Variants in IQUB observed in about 807,000 individuals in gnomAD.
IQUB encodes the protein IQ motif and ubiquitin domain containing.
IQUB carries 86 observed loss-of-function variants against 86.4 expected under a neutral mutation model. That is an observed-to-expected ratio of 1.00 (90% CI 0.84 to 1.19). IQUB has a LOEUF of 1.19. Ranked by LOEUF, IQUB falls within the 50% of genes most tolerant of loss-of-function variation. The pLI is 0.00. For synonymous variants in IQUB, 289 were observed against 304.5 expected (o/e 0.95, Z 0.53); for missense variants, 946 against 916.9 (o/e 1.03, Z -0.41).
At chr7:123,507,653 T>A (rs936387830) in intron 3 of IQUB, among the ~76,000 whole-genome samples, 10 of 151,976 alleles carry the variant, frequency 6.6e-5, no homozygotes, top group African/African-American at 2.2e-4. Flanking sequence ...GGCGGGTGGA[T>A]CATGAGGTCA....
chr7:123,462,363 TCTTA>T (rs1157650977), intron 10 of IQUB, among the ~76,000 whole-genome samples: 2 of 151,890 alleles, frequency 1.3e-5, no homozygotes, highest in African/African-American at 4.8e-5. Flanking sequence ...AAATTTTTTC[TCTTA>T]CTCAATGTGG....
chr7:123,461,645 G>C, intron 10 of IQUB, 40 bp from the exon 11 acceptor site: 1 of 1,478,744 alleles, frequency 6.8e-7, no homozygotes, highest in South Asian at 1.4e-5. Flanking sequence ...GGTCTAAAAA[G>C]CCAGGCCAGG....
chr7:123,526,869 A>T (rs1797242751), intron 1 of IQUB, among the ~76,000 whole-genome samples: 1 of 152,006 alleles, frequency 6.6e-6, no homozygotes, highest in Non-Finnish European at 1.5e-5. Flanking sequence ...GCGCTTCTTC[A>T]GGCGCTCTTT....
chr7:123,482,651 T>C (rs1379405662), intron 7 of IQUB, among the ~76,000 whole-genome samples: 1 of 152,102 alleles, frequency 6.6e-6, no homozygotes, highest in Non-Finnish European at 1.5e-5. Context: ...CAAGGGAAAC[T>C]TGGGGAAATT....
At position 123,510,261 on chromosome 7, in the gene IQUB, C is replaced by CA. The variant is rs1234109290; in HGVS notation, c.398-227dup. ...TGCTTTGAAAATCAACCCATAATCTCAAAAATTAGCTCTAATGTTCAATAC... is the reference window on the plus strand; with the variant it reads ...TGCTTTGAAAATCAACCCATAATCTCAAAAAATTAGCTCTAATGTTCAATAC... On this transcript the variant is annotated intron_variant, in intron 2 of 12. Transcript: ENST00000324698. 3.3e-5 allele frequency among the ~76,000 whole-genome samples: 5 copies of CA among 152,036 alleles called. No homozygotes were observed. The South Asian group carries it at 1.0e-3, about 32-fold the overall frequency.
chr7:123,492,231 C>T (rs1317050084), intron 7 of IQUB, among the ~76,000 whole-genome samples: 2 of 152,056 alleles, frequency 1.3e-5, no homozygotes, highest in African/African-American at 2.4e-5. Context: ...GAATGGACTA[C>T]GAACTTAACA....
intron 6 of IQUB, among the ~76,000 whole-genome samples, chr7:123,497,893 G>A (rs2117176810): frequency 6.6e-6 from 1 of 151,710 alleles, no homozygotes. Flanking sequence ...AAAAAACAAG[G>A]GGCTCTAGGA....
In IQUB at chr7:123,464,864, A is replaced by G. The variant is rs779522138; in HGVS notation, c.1727T>C (p.Leu576Pro). 4 of 1,597,510 alleles carry G rather than the reference A, an allele frequency of 2.5e-6. No individual in the cohort carries two copies. The highest frequency in any genetic ancestry group is 2.6e-6 in the Non-Finnish European group (3 of 1,174,448). ...GTATTTTGCAACTTCAGGATTAAAC[A>G]GAGGTGTTTTGATATAATGAAAAAA... The part of the protein sequence containing the change: ...TLFFHYIKTP[L>P]FNPEVAKYLK... The change falls in exon 10 of 13, where the codon CTG becomes CCG. Residue 576 changes from leucine to proline, a missense_variant. Transcript: ENST00000324698.
intron 11 of IQUB, among the ~76,000 whole-genome samples, chr7:123,458,393 C>G (rs1793818127): frequency 6.6e-6 from 1 of 151,702 alleles, no homozygotes; most frequent in Admixed American, 6.6e-5. Context: ...GTACACAAAA[C>G]CTAAACAATC....
At chr7:123,490,975 A>C (rs548429642) in intron 7 of IQUB, among the ~76,000 whole-genome samples, 1 of 151,960 alleles carries the variant, frequency 6.6e-6, no homozygotes, top group East Asian at 1.9e-4. Context: ...GGAAAAAAAA[A>C]AAAACAAACA....
intron 1 of IQUB, among the ~76,000 whole-genome samples, chr7:123,531,268 G>T (rs777818211): frequency 1.2e-4 from 18 of 152,024 alleles, no homozygotes; most frequent in Non-Finnish European, 2.5e-4. Flanking sequence ...TCTCCGTGAG[G>T]ACCATATAGT....
At chr7:123,521,177 T>C (rs1377244041) in intron 1 of IQUB, among the ~76,000 whole-genome samples, 1 of 152,204 alleles carries the variant, frequency 6.6e-6, no homozygotes, top group Non-Finnish European at 1.5e-5. Context: ...CCACATATTA[T>C]AAAGTTCCTT....
intron 8 of IQUB, among the ~76,000 whole-genome samples, chr7:123,477,550 A>G (rs898167978): frequency 8.5e-5 from 13 of 152,334 alleles, no homozygotes; most frequent in Admixed American, 7.2e-4. Context: ...TCATGTCTAA[A>G]ACACCAAAAG....
intron 2 of IQUB, 87 bp downstream of exon 2, chr7:123,511,857 A>T (rs988509802): frequency 2.8e-6 from 3 of 1,056,818 alleles, no homozygotes; most frequent in Middle Eastern, 2.8e-4. Context: ...ATATAAAACA[A>T]ATCTTTAAGC....
intron 8 of IQUB, among the ~76,000 whole-genome samples, chr7:123,472,744 T>C (rs555199462): frequency 6.6e-6 from 1 of 152,350 alleles, no homozygotes; most frequent in South Asian, 2.1e-4. Context: ...CACAGATAAC[T>C]TGATCTTCAA....
At position 123,502,727 on chromosome 7, in the gene IQUB, TGGA is replaced by T. The variant is rs999761271; in HGVS notation, c.890_892del (p.Leu297del). 2 of 1,603,930 alleles carry T rather than the reference TGGA, an allele frequency of 1.2e-6. No individual in the cohort carries two copies. Among genetic ancestry groups the T allele is most frequent in the Non-Finnish European group, 1.7e-6 (2 of 1,176,848 alleles). ...TGTGGATGTTGTATTTGTAGTTTGT[TGGA>T]GATTTTTTTTCTGAAAAACTGTCTA... On this transcript the variant is annotated inframe_deletion, in exon 6 of 13. Coordinates refer to ENST00000324698, the MANE Select transcript of IQUB (RefSeq NM_178827.5).
chr7:123,503,410 G>T, intron 3 of IQUB, 47 bp from the exon 4 acceptor site: 1 of 964,782 alleles, frequency 1.0e-6, no homozygotes, highest in Non-Finnish European at 1.6e-6. Context: ...CAAAGAAATG[G>T]CTATTCATTG....
At chr7:123,465,746 G>A (rs1266725820) in intron 9 of IQUB, among the ~76,000 whole-genome samples, 1 of 152,002 alleles carries the variant, frequency 6.6e-6, no homozygotes, top group Non-Finnish European at 1.5e-5. Context: ...TAGTTGGTAA[G>A]GCTAATATGA....
intron 1 of IQUB, among the ~76,000 whole-genome samples, chr7:123,527,247 G>A (rs1001819082): frequency 6.6e-6 from 1 of 151,986 alleles, no homozygotes; most frequent in Non-Finnish European, 1.5e-5. Flanking sequence ...CAACTTCTTT[G>A]CCTTTGGTTT....
Sources: allele counts gnomAD v4.1 joint callset (sites outside exome capture counted in the v4.1 genomes callset), GRCh38; gene constraint gnomAD v4.1.1; transcripts MANE v1.5; gene names NCBI Gene and HGNC (gene_info 2026-07-23, HGNC 2026-07-21).